Variants in HSPB8 observed in about 807,000 individuals in gnomAD.
HSPB8 encodes heat shock protein family B (small) member 8.
HSPB8 carries 9 observed loss-of-function variants against 16.5 expected under a neutral mutation model. The observed-to-expected ratio is 0.55, with a 90% CI of 0.33 to 0.95. The LOEUF is 0.95. Ranked by LOEUF, HSPB8 falls within the 40% of genes least tolerant of loss-of-function variation. HSPB8 has a pLI of 0.03. For synonymous variants in HSPB8, 99 were observed against 94.8 expected, an observed-to-expected ratio of 1.04 and a Z score of -0.26; for missense variants, 238 against 251.2, an observed-to-expected ratio of 0.95 and a Z score of 0.35.
chr12:119,182,614 G>T (rs1341333075), intron 1 of HSPB8, among the ~76,000 whole-genome samples: 2 of 151,586 alleles, frequency 1.3e-5, no homozygotes, highest in Non-Finnish European at 2.9e-5. Context: ...TTCCAGCCTG[G>T]GCAACAAGAA....
At chr12:119,188,350 A>T (rs1171414759) in intron 2 of HSPB8, among the ~76,000 whole-genome samples, 7 of 150,624 alleles carry the variant, frequency 4.6e-5, no homozygotes. Flanking sequence ...GGGTTCAAGC[A>T]ATTCTCCGGC....
chr12:119,179,003 G>A lies in HSPB8; in HGVS notation c.-310G>A. On this transcript the variant is annotated 5_prime_UTR_variant, in exon 1 of 3. Coordinates refer to ENST00000281938, the MANE Select transcript of HSPB8 (RefSeq NM_014365.3). The stretch of plus-strand genomic sequence containing the variant: ...CTCCGCTCTAGACCTCAGCGGTTCT[G>A]GCTGCCAGCCTGGGCAGCCTGGGAA... The A allele has an allele frequency of 2.1e-6, 1 of 485,446 alleles. No individual in the cohort carries two copies. The highest frequency in any genetic ancestry group is 3.8e-6 in the Non-Finnish European group (1 of 265,236). The allele number at this position is 485,446 out of a possible 1,614,324, so 30.1% of individuals were successfully genotyped here. A position where few individuals can be genotyped will look rare whatever the true frequency, so the allele number is the denominator to read the frequency against.
At position 119,182,088 on chromosome 12, in the gene HSPB8, G is replaced by C. The variant is rs150945627; in HGVS notation, c.367+2409G>C. The C allele has an allele frequency of 1.9e-4, 29 of 152,266 alleles. 1 individual carries two copies. The highest frequency in any genetic ancestry group is 6.5e-4 in the African/African-American group (27 of 41,544). The allele number at this position is 152,266 out of a possible 1,614,324, so 9.4% of individuals were successfully genotyped here. A position where few individuals can be genotyped will look rare whatever the true frequency, so the allele number is the denominator to read the frequency against. ...CCTCTTTTGTAGGTGCTTCATAACAGGTGGGGTCTGGCAGCTCCATGTTGA... is the reference window on the plus strand; with the variant it reads ...CCTCTTTTGTAGGTGCTTCATAACACGTGGGGTCTGGCAGCTCCATGTTGA... On this transcript the variant is annotated intron_variant, in intron 1 of 2. Transcript: ENST00000281938.
At chr12:119,192,395 G>A (rs922253259) in intron 2 of HSPB8, among the ~76,000 whole-genome samples, 1 of 152,120 alleles carries the variant, frequency 6.6e-6, no homozygotes, top group African/African-American at 2.4e-5. Context: ...GGTGGCTCAC[G>A]CCTGTTATCT....
intron 2 of HSPB8, among the ~76,000 whole-genome samples, chr12:119,193,294 A>G (rs570867889): frequency 2.2e-4 from 34 of 152,276 alleles, no homozygotes; most frequent in Admixed American, 2.0e-3. Flanking sequence ...CTATAAAGGG[A>G]TGGTAGTGGT....
intron 2 of HSPB8, among the ~76,000 whole-genome samples, chr12:119,188,323 T>C (rs1954690325): frequency 6.7e-6 from 1 of 149,464 alleles, no homozygotes; most frequent in African/African-American, 2.5e-5. Flanking sequence ...GTCAGCTCAC[T>C]GCAACCTCTG....
In HSPB8 at chr12:119,193,967, G is replaced by A; in HGVS notation, c.*109G>A. ...GATTTAGTGCAAGTAAAATGTTAGA[G>A]GGTGCGGGGGTGAGGACTGACCACA... On this transcript the variant is annotated 3_prime_UTR_variant, in exon 3 of 3. Transcript: ENST00000281938. 3 of 1,212,668 alleles carry A rather than the reference G, an allele frequency of 2.5e-6. No homozygotes were observed. Among genetic ancestry groups the A allele is most frequent in the Non-Finnish European group, 3.6e-6 (3 of 821,926 alleles). The allele number at this position is 1,212,668 out of a possible 1,614,324, so 75.1% of individuals were successfully genotyped here.
Position 119,179,621 on chromosome 12 carries a change from C to T in HSPB8, c.309C>T (p.His103=), listed in dbSNP as rs1401613594. The stretch of plus-strand genomic sequence containing the variant: ...CCTGGAAAGTGTGTGTGAATGTGCA[C>T]AGCTTCAAGCCAGAGGAGTTGATGG... ...GEPWKVCVNV[H]SFKPEELMVK... is the part of the protein sequence containing the mutation. The change falls in exon 1 of 3, where the codon CAC becomes CAT. Residue 103 remains histidine, a synonymous_variant. Coordinates refer to ENST00000281938, the MANE Select transcript of HSPB8 (RefSeq NM_014365.3). 5.0e-6 allele frequency: 8 copies of T among 1,602,510 alleles called. No homozygotes were observed. The Admixed American group carries it at 1.0e-4, about 21-fold the overall frequency.
Position 119,194,743 on chromosome 12 carries a change from C to T in HSPB8, c.*885C>T, listed in dbSNP as rs1954735336. On this transcript the variant is annotated 3_prime_UTR_variant, in exon 3 of 3. Transcript: ENST00000281938. ...TAATAATAATAAAGGAGCTGACGTTCTTAGCCTTGTGTGGTTCTTTTAATG... is the reference window on the plus strand; with the variant it reads ...TAATAATAATAAAGGAGCTGACGTTTTTAGCCTTGTGTGGTTCTTTTAATG... The T allele has an allele frequency of 2.2e-6, 1 of 451,616 alleles. No homozygotes were observed. The highest frequency in any genetic ancestry group is 3.9e-5 in the Admixed American group (1 of 25,430). 28.0% of individuals were successfully genotyped at this position (451,616 alleles called of 1,614,324 possible).
intron 1 of HSPB8, 24 bp downstream of exon 1, chr12:119,179,703 G>T: frequency 6.4e-7 from 1 of 1,550,798 alleles, no homozygotes; most frequent in South Asian, 1.3e-5. Flanking sequence ...AGGAGGGAGA[G>T]AGAATGGGGA....
At chr12:119,185,930 G>T (rs1416152536) in intron 1 of HSPB8, among the ~76,000 whole-genome samples, 1 of 152,114 alleles carries the variant, frequency 6.6e-6, no homozygotes, top group Non-Finnish European at 1.5e-5. Context: ...AGATTTCAAG[G>T]CCCCTCAGAA....
chr12:119,179,541 G>C lies in HSPB8; in HGVS notation c.229G>C (p.Ala77Pro). Reference sequence around the variant, plus strand: ...GGTGCCCCGGGGCCCCACTGCCACCGCCAGGTTTGGGGTGCCTGCCGAGGG... The same window carrying C: ...GGTGCCCCGGGGCCCCACTGCCACCCCCAGGTTTGGGGTGCCTGCCGAGGG... ...GMVPRGPTAT[A>P]RFGVPAEGRT... Residue 77 changes from alanine to proline, a missense_variant, in exon 1 of 3, where the codon GCC becomes CCC. Ala to Pro is a conservative substitution (Grantham distance 27). Coordinates refer to ENST00000281938, the MANE Select transcript of HSPB8 (RefSeq NM_014365.3). 1 of 1,613,728 alleles carries C rather than the reference G, an allele frequency of 6.2e-7. No individual in the cohort carries two copies. The highest frequency in any genetic ancestry group is 8.5e-7 in the Non-Finnish European group (1 of 1,179,846).
chr12:119,189,384 A>T (rs1263363665), intron 2 of HSPB8, among the ~76,000 whole-genome samples: 1 of 149,922 alleles, frequency 6.7e-6, no homozygotes, highest in Non-Finnish European at 1.5e-5. Flanking sequence ...AGCTTGCTGG[A>T]AGTAACCTGA....
At chr12:119,191,977 A>T (rs1954715284) in intron 2 of HSPB8, among the ~76,000 whole-genome samples, 2 of 152,172 alleles carry the variant, frequency 1.3e-5, no homozygotes, top group South Asian at 4.1e-4. Flanking sequence ...ATTATTGTTA[A>T]CACCAAAATG....
At chr12:119,183,594 T>C (rs1197571209) in intron 1 of HSPB8, among the ~76,000 whole-genome samples, 1 of 152,220 alleles carries the variant, frequency 6.6e-6, no homozygotes, top group East Asian at 1.9e-4. Flanking sequence ...AATTACTTTT[T>C]TCAGTTTACA....
intron 2 of HSPB8, 54 bp from the exon 3 acceptor site, chr12:119,193,645 A>T (rs537940444): frequency 6.4e-7 from 1 of 1,572,228 alleles, no homozygotes. Flanking sequence ...GAATAAAAGA[A>T]TGTTTAAGCA....
In HSPB8 at chr12:119,194,255, C is replaced by T; in HGVS notation, c.*397C>T. ...GGTTCCTACTCTGGGCTCCCGATTC[C>T]CATGGCTCCCAAACCATGCCGCATG... On this transcript the variant is annotated 3_prime_UTR_variant, in exon 3 of 3. Transcript: ENST00000281938. The T allele has an allele frequency of 3.4e-6, 1 of 298,488 alleles. No homozygotes were observed. The highest frequency in any genetic ancestry group is 6.4e-6 in the Non-Finnish European group (1 of 155,452). The allele number at this position is 298,488 out of a possible 1,614,324, so 18.5% of individuals were successfully genotyped here. A position where few individuals can be genotyped will look rare whatever the true frequency, so the allele number is the denominator to read the frequency against.
intron 1 of HSPB8, among the ~76,000 whole-genome samples, chr12:119,181,501 G>A (rs1426040762): frequency 6.6e-6 from 1 of 152,144 alleles, no homozygotes; most frequent in African/African-American, 2.4e-5. Flanking sequence ...AATAGAATGG[G>A]GGGTAGGTTG....
At chr12:119,185,451 A>C (rs894545075) in intron 1 of HSPB8, among the ~76,000 whole-genome samples, 1 of 152,114 alleles carries the variant, frequency 6.6e-6, no homozygotes, top group African/African-American at 2.4e-5. Flanking sequence ...CTCCTGCCTC[A>C]GCCTCCCAAG....
Sources: allele counts gnomAD v4.1 joint callset (sites outside exome capture counted in the v4.1 genomes callset), GRCh38; gene constraint gnomAD v4.1.1; transcripts MANE v1.5; gene names NCBI Gene and HGNC (gene_info 2026-07-23, HGNC 2026-07-21).